Variants in RBMS3 observed in about 807,000 individuals in gnomAD.
The protein encoded by RBMS3 is RNA binding motif single stranded interacting protein 3.
A neutral mutation model predicts 66.8 loss-of-function variants in RBMS3; 27 were observed. The ratio of observed to expected loss-of-function variants is 0.40; its 90% CI spans 0.30 to 0.56. The LOEUF (loss-of-function observed/expected upper bound fraction) is 0.56, where lower values mean the gene tolerates loss of function less well. Among genes scored for constraint, RBMS3 ranks in the 20% least tolerant of loss-of-function variants. RBMS3 has a pLI of 0.40. For synonymous variants in RBMS3, 188 were observed against 183.0 expected, an observed-to-expected ratio of 1.03 and a Z score of -0.22; for missense variants, 513 against 549.5, an observed-to-expected ratio of 0.93 and a Z score of 0.66.
chr3:29,742,624 T>C (rs888772916), intron 5 of RBMS3, among the ~76,000 whole-genome samples: 4 of 152,220 alleles, frequency 2.6e-5, no homozygotes, highest in Non-Finnish European at 5.9e-5. Context: ...ATAGCTCCTA[T>C]AAAAGTTTTG....
chr3:29,896,591 G>A (rs948267685), intron 8 of RBMS3, among the ~76,000 whole-genome samples: 2 of 151,624 alleles, frequency 1.3e-5, no homozygotes, highest in African/African-American at 2.4e-5. Flanking sequence ...AAGGATTTGA[G>A]CATTCAGTAA....
intron 4 of RBMS3, among the ~76,000 whole-genome samples, chr3:29,701,902 C>T (rs563370113): frequency 1.6e-4 from 24 of 152,298 alleles, no homozygotes; most frequent in Admixed American, 3.3e-4. Flanking sequence ...TCCCATCGAC[C>T]GCCCAAAGGC....
chr3:29,951,480 A>G (rs901888302), intron 12 of RBMS3, among the ~76,000 whole-genome samples: 1 of 151,748 alleles, frequency 6.6e-6, no homozygotes, highest in Non-Finnish European at 1.5e-5. Context: ...AGAGTATATA[A>G]TCTATTCATT....
At chr3:29,424,573 A>G (rs2040870075) in intron 1 of RBMS3, among the ~76,000 whole-genome samples, 2 of 152,204 alleles carry the variant, frequency 1.3e-5, no homozygotes, top group African/African-American at 4.8e-5. Flanking sequence ...ATTGGATTGT[A>G]TATGCTATTT....
intron 4 of RBMS3, among the ~76,000 whole-genome samples, chr3:29,630,531 G>A (rs1438704308): frequency 6.6e-6 from 1 of 151,866 alleles, no homozygotes; most frequent in Non-Finnish European, 1.5e-5. Flanking sequence ...GTAAGAATTG[G>A]AAGGAAAAAG....
At chr3:29,544,699 A>ATGTGTGTGTGTGTG (rs138879910) in intron 3 of RBMS3, among the ~76,000 whole-genome samples, 9,087 of 150,736 alleles carry the variant, frequency 0.06, 432 homozygotes, top group African/African-American at 0.14. Flanking sequence ...TGAAATGTAA[A>ATGTGTGTGTGTGTG]TGTGTGTGTG....
chr3:29,371,160 G>A (rs1202382006), intron 1 of RBMS3, among the ~76,000 whole-genome samples: 1 of 152,152 alleles, frequency 6.6e-6, no homozygotes, highest in Non-Finnish European at 1.5e-5. Context: ...TGTCTTCTCT[G>A]ACAAAGCTGT....
chr3:29,696,565 A>T (rs938969210), intron 4 of RBMS3, among the ~76,000 whole-genome samples: 1 of 152,220 alleles, frequency 6.6e-6, no homozygotes, highest in African/African-American at 2.4e-5. Flanking sequence ...CCTGTCTCAT[A>T]GATGACTGCT....
At chr3:29,816,874 G>C (rs145553988) in intron 6 of RBMS3, among the ~76,000 whole-genome samples, 6,777 of 152,046 alleles carry the variant, frequency 0.045, 238 homozygotes, top group Admixed American at 0.084. Context: ...GGTGGATCAC[G>C]AGGTCAGGAG....
At chr3:29,526,123 T>A (rs2045085323) in intron 3 of RBMS3, 2 of 152,216 alleles carry the variant, frequency 1.3e-5, no homozygotes, top group Non-Finnish European at 2.9e-5. Context: ...GGGCATCATC[T>A]GGGAGCTTGT....
chr3:29,691,164 T>C (rs1449523449), intron 4 of RBMS3, among the ~76,000 whole-genome samples: 6 of 152,236 alleles, frequency 3.9e-5, no homozygotes, highest in African/African-American at 1.4e-4. Flanking sequence ...CATCGCAGTC[T>C]TGTATTGACA....
In RBMS3 at chr3:29,622,858, G is replaced by C. The variant is rs1473736079; in HGVS notation, c.399+35653G>C. 2.0e-5 allele frequency among the ~76,000 whole-genome samples: 3 copies of C among 152,060 alleles called. No homozygotes were observed. The East Asian group carries it at 5.8e-4, about 29-fold the overall frequency. ...TCCCGGACAGGAGCGGTGGCTCACA[G>C]CTGTAATCCCAGTTTTGGGAGGCCA... On this transcript the variant is annotated intron_variant, in intron 4 of 14. Transcript: ENST00000383767.
intron 4 of RBMS3, among the ~76,000 whole-genome samples, chr3:29,622,901 G>A (rs981743363): frequency 6.6e-6 from 1 of 152,120 alleles, no homozygotes; most frequent in African/African-American, 2.4e-5. Flanking sequence ...TGGATCACGA[G>A]GTCAGGAGAT....
At chr3:29,914,322 G>A (rs988490529) in intron 10 of RBMS3, among the ~76,000 whole-genome samples, 25 of 151,712 alleles carry the variant, frequency 1.6e-4, no homozygotes, top group Non-Finnish European at 3.4e-4. Flanking sequence ...TTCCTTTTGG[G>A]CATGTTGACT....
At chr3:29,673,463 G>GTT (rs1474286974) in intron 4 of RBMS3, among the ~76,000 whole-genome samples, 4 of 134,252 alleles carry the variant, frequency 3.0e-5, no homozygotes, top group East Asian at 4.1e-4. Flanking sequence ...CCAGGAGCTG[G>GTT]TTTTTTTTTT....
intron 4 of RBMS3, among the ~76,000 whole-genome samples, chr3:29,710,583 AC>A (rs1431996167): frequency 6.6e-6 from 1 of 152,188 alleles, no homozygotes; most frequent in African/African-American, 2.4e-5. Flanking sequence ...TTTATGGGTG[AC>A]AGCTCTGAGT....
intron 8 of RBMS3, among the ~76,000 whole-genome samples, chr3:29,891,685 A>G (rs563607813): frequency 6.6e-6 from 1 of 151,586 alleles, no homozygotes; most frequent in South Asian, 2.1e-4. Flanking sequence ...AATAAAATAT[A>G]TTCTTGGGGG....
intron 4 of RBMS3, among the ~76,000 whole-genome samples, chr3:29,691,947 C>CTCTCTCTCTCTCTTTTTTTTT (rs1218393454): frequency 1.9e-5 from 1 of 53,548 alleles, no homozygotes; most frequent in Non-Finnish European, 3.9e-5. Flanking sequence ...CTCTCTCTCT[C>CTCTCTCTCTCTCTTTTTTTTT]TATTTTTTTT....
intron 1 of RBMS3, among the ~76,000 whole-genome samples, chr3:29,319,396 C>A (rs2034878154): frequency 6.6e-6 from 1 of 151,974 alleles, no homozygotes; most frequent in East Asian, 1.9e-4. Flanking sequence ...TGTATCTCTT[C>A]TGTTAAGCTG....
Sources: gnomAD v4.1 joint callset for allele counts (sites outside exome capture counted in the v4.1 genomes callset) on GRCh38, gnomAD v4.1.1 for gene constraint, MANE v1.5 for transcripts, NCBI Gene and HGNC (gene_info 2026-07-23, HGNC 2026-07-21) for gene names.